The following GALNT14 variants were observed in gnomAD, a reference collection of about 807,000 sequenced individuals.
GALNT14 encodes the protein polypeptide N-acetylgalactosaminyltransferase 14.
Under a neutral mutation model 77.5 loss-of-function variants are expected in GALNT14, and 60 were observed. The ratio of observed to expected loss-of-function variants is 0.77; its 90% CI spans 0.63 to 0.96. The LOEUF is 0.96. GALNT14 is among the 40% of genes least tolerant of loss of function. The pLI, the probability that GALNT14 is intolerant of heterozygous loss-of-function variation, is 0.00. For missense variants in GALNT14, 710 were observed against 731.0 expected, an observed-to-expected ratio of 0.97 and a Z score of 0.33; for synonymous variants, 280 against 281.7, an observed-to-expected ratio of 0.99 and a Z score of 0.06.
chr2:30,893,380 G>GA, the GALNT14 span, among the ~76,000 whole-genome samples: 1 of 151,950 alleles, frequency 6.6e-6, no homozygotes, highest in Non-Finnish European at 1.5e-5. Flanking sequence ...CTAGGGAAGC[G>GA]AAAAAAATAC....
chr2:31,137,265 G>A (rs964944880), intron 1 of GALNT14, among the ~76,000 whole-genome samples: 1 of 152,184 alleles, frequency 6.6e-6, no homozygotes, highest in African/African-American at 2.4e-5. Flanking sequence ...AGCCTATAGG[G>A]GGAACCTTCT....
At chr2:31,087,524 G>GGAGAAGAGAGGAGAGGAGAA (rs1245087202) in intron 1 of GALNT14, among the ~76,000 whole-genome samples, 1 of 151,186 alleles carries the variant, frequency 6.6e-6, no homozygotes. Context: ...GGAGAGGAGA[G>GGAGAAGAGAGGAGAGGAGAA]GCGAGGAGAG....
In GALNT14 at chr2:30,980,312, C is replaced by T. The variant is rs572667409; in HGVS notation, c.299+12526G>A. Among the ~76,000 whole-genome samples the T allele has an allele frequency of 5.3e-5, 8 of 152,336 alleles. No homozygotes were observed. In the South Asian group the frequency reaches 6.2e-4, roughly 12 times the overall value. ...CCAGACCTGCTTTGGCCCACAGCTGCGGAGCAGCAGGAAAGATGATGAAAC... is the reference window on the plus strand; with the variant it reads ...CCAGACCTGCTTTGGCCCACAGCTGTGGAGCAGCAGGAAAGATGATGAAAC... On this transcript the variant is annotated intron_variant, in intron 2 of 14. Coordinates refer to ENST00000349752, the MANE Select transcript of GALNT14 (RefSeq NM_024572.4).
intron 1 of GALNT14, among the ~76,000 whole-genome samples, chr2:31,000,605 G>A (rs1316593349): frequency 6.6e-6 from 1 of 152,166 alleles, no homozygotes; most frequent in Non-Finnish European, 1.5e-5. Context: ...AGCTGCAGTT[G>A]AAGTCCTAAG....
At chr2:30,959,340 C>T (rs1438131169) in intron 3 of GALNT14, among the ~76,000 whole-genome samples, 1 of 152,200 alleles carries the variant, frequency 6.6e-6, no homozygotes, top group Non-Finnish European at 1.5e-5. Flanking sequence ...CAGGGCAAGA[C>T]CCTTGACCCA....
At chr2:30,997,463 C>G (rs1670105114) in intron 1 of GALNT14, among the ~76,000 whole-genome samples, 1 of 152,186 alleles carries the variant, frequency 6.6e-6, no homozygotes, top group Non-Finnish European at 1.5e-5. Flanking sequence ...CCCACACTTC[C>G]CTGGTACAGG....
At chr2:30,958,987 A>C (rs1667530775) in intron 3 of GALNT14, among the ~76,000 whole-genome samples, 1 of 152,052 alleles carries the variant, frequency 6.6e-6, no homozygotes, top group African/African-American at 2.4e-5. Flanking sequence ...GACATCCCAA[A>C]TCCTCAGCAC....
intron 1 of GALNT14, chr2:31,129,350 C>T (rs1446909897): frequency 1.0e-6 from 1 of 984,498 alleles, no homozygotes; most frequent in Non-Finnish European, 1.2e-6. Flanking sequence ...AAACATCACA[C>T]CAAGTGGTGG....
At chr2:31,103,598 G>C (rs114875526) in intron 1 of GALNT14, among the ~76,000 whole-genome samples, 2,266 of 152,110 alleles carry the variant, frequency 0.015, 49 homozygotes, top group African/African-American at 0.052. Context: ...CTCTTTCTAA[G>C]TGTCTACCAT....
chr2:31,098,618 T>C (rs914268583), intron 1 of GALNT14, among the ~76,000 whole-genome samples: 2 of 152,114 alleles, frequency 1.3e-5, no homozygotes, highest in African/African-American at 4.8e-5. Flanking sequence ...TAAGTATAAA[T>C]GCGGTTGACC....
chr2:31,129,069 T>C (rs1257557264), intron 1 of GALNT14, among the ~76,000 whole-genome samples: 1 of 152,080 alleles, frequency 6.6e-6, no homozygotes, highest in East Asian at 1.9e-4. Flanking sequence ...AAAACAAACA[T>C]ATAACATACA....
At chr2:31,116,858 G>A (rs1198392808) in intron 1 of GALNT14, among the ~76,000 whole-genome samples, 3 of 152,072 alleles carry the variant, frequency 2.0e-5, no homozygotes, top group Non-Finnish European at 2.9e-5. Flanking sequence ...CACCAACATG[G>A]AGAAACCTCA....
intron 13 of GALNT14, among the ~76,000 whole-genome samples, chr2:30,921,615 G>A (rs530878847): frequency 1.3e-5 from 2 of 152,196 alleles, no homozygotes; most frequent in African/African-American, 2.4e-5. Context: ...ATAGACAATA[G>A]GAGCCATCGA....
At chr2:31,108,865 C>G (rs374606033) in intron 1 of GALNT14, among the ~76,000 whole-genome samples, 1 of 152,210 alleles carries the variant, frequency 6.6e-6, no homozygotes, top group Non-Finnish European at 1.5e-5. Flanking sequence ...CAGGTTGGAA[C>G]AGGCAGACTG....
intron 1 of GALNT14, among the ~76,000 whole-genome samples, chr2:31,016,563 C>A (rs1488448985): frequency 5.3e-5 from 8 of 152,096 alleles, no homozygotes; most frequent in Admixed American, 2.0e-4. Flanking sequence ...ACTGGGCCTG[C>A]ACACCCATCT....
chr2:30,895,184 T>A, the GALNT14 span, among the ~76,000 whole-genome samples: 1 of 152,164 alleles, frequency 6.6e-6, no homozygotes, highest in Admixed American at 6.5e-5. Context: ...CTATTCAGGT[T>A]CAATTTGACA....
chr2:31,117,246 C>T (rs1474399770), intron 1 of GALNT14, among the ~76,000 whole-genome samples: 1 of 152,060 alleles, frequency 6.6e-6, no homozygotes, highest in Non-Finnish European at 1.5e-5. Flanking sequence ...AATTGAGAAA[C>T]ATGCTCCTAC....
chr2:30,962,479 G>A (rs1018620411), intron 3 of GALNT14, among the ~76,000 whole-genome samples: 6 of 152,216 alleles, frequency 3.9e-5, no homozygotes, highest in South Asian at 2.1e-4. Flanking sequence ...GAGGGGTGGC[G>A]GTGAAGGATG....
chr2:30,975,570 C>T (rs898825513), intron 2 of GALNT14, among the ~76,000 whole-genome samples: 2 of 152,264 alleles, frequency 1.3e-5, no homozygotes, highest in Admixed American at 1.3e-4. Flanking sequence ...AAATCTATTA[C>T]TAAAATTAAT....
Sources: allele counts gnomAD v4.1 joint callset (sites outside exome capture counted in the v4.1 genomes callset), GRCh38; gene constraint gnomAD v4.1.1; transcripts MANE v1.5; gene names NCBI Gene and HGNC (gene_info 2026-07-23, HGNC 2026-07-21).